Variants in SAMD11 observed in about 807,000 individuals in gnomAD.
SAMD11 encodes the protein sterile alpha motif domain containing 11.
In SAMD11, 77 loss-of-function variants were observed where a neutral mutation model predicts 64.4. The ratio of observed to expected loss-of-function variants is 1.20; its 90% CI spans 0.99 to 1.44. The LOEUF (loss-of-function observed/expected upper bound fraction) is 1.44. Ranked by LOEUF, SAMD11 falls within the 40% of genes most tolerant of loss-of-function variation. The pLI is 0.00. For missense variants in SAMD11, 1,402 were observed against 943.3 expected (o/e 1.49, Z -6.37); for synonymous variants, 658 against 421.9 (o/e 1.56, Z -6.86).
chr1:943,304 A>C lies in SAMD11; in HGVS notation c.2105A>C (p.Asp702Ala). 2 of 1,612,378 alleles carry C rather than the reference A, an allele frequency of 1.2e-6. No individual in the cohort carries two copies. Among genetic ancestry groups the C allele is most frequent in the African/African-American group, 1.3e-5 (1 of 74,944 alleles). The stretch of plus-strand genomic sequence containing the variant: ...GGGGAGGAGGCCCCAGCCCCTGAGG[A>C]CGTCACCAAGTGGACCGTGGATGAC... ...MDGEEAPAPE[D>A]VTKWTVDDVC... Residue 702 changes from aspartate (D) to alanine (A), a missense_variant, in exon 12 of 14, where the codon GAC becomes GCC. Asp to Ala is a moderately radical substitution (Grantham distance 126). Transcript: ENST00000616016.
chr1:926,324 T>A (rs1640889308), intron 2 of SAMD11, among the ~76,000 whole-genome samples: 1 of 152,230 alleles, frequency 6.6e-6, no homozygotes, highest in Admixed American at 6.5e-5. Context: ...GTCTTCTCCC[T>A]GGGAGGAGTA....
At chr1:929,074 C>T (rs543852933) in intron 2 of SAMD11, among the ~76,000 whole-genome samples, 3 of 152,350 alleles carry the variant, frequency 2.0e-5, no homozygotes, top group South Asian at 2.1e-4. Flanking sequence ...AAAAGCCTCC[C>T]GCCCACTGGA....
At position 942,285 on chromosome 1, in the gene SAMD11, G is replaced by A. The variant is rs1292530570; in HGVS notation, c.1474+34G>A. ...GCGGGTGCGCATCCCCTGGGAGCCCGCGTGGAGGCTCGCGGACCCGGCCCT... is the reference window on the plus strand; with the variant it reads ...GCGGGTGCGCATCCCCTGGGAGCCCACGTGGAGGCTCGCGGACCCGGCCCT... On this transcript the variant is annotated intron_variant, in intron 9 of 13. Coordinates refer to ENST00000616016, the MANE Select transcript of SAMD11 (RefSeq NM_001385641.1). 10 of 1,037,710 alleles carry A rather than the reference G, an allele frequency of 9.6e-6. No homozygotes were observed. In the African/African-American group the frequency reaches 1.7e-4, roughly 17 times the overall value. The allele number at this position is 1,037,710 out of a possible 1,614,324, so 64.3% of individuals were successfully genotyped here.
At chr1:927,071 G>A (rs1290548819) in intron 2 of SAMD11, among the ~76,000 whole-genome samples, 1 of 152,172 alleles carries the variant, frequency 6.6e-6, no homozygotes, top group African/African-American at 2.4e-5. Context: ...AGCATGTTGG[G>A]CAGGGGAAGG....
At chr1:936,492 G>A (rs572432227) in intron 5 of SAMD11, among the ~76,000 whole-genome samples, 9 of 152,260 alleles carry the variant, frequency 5.9e-5, no homozygotes, top group Admixed American at 3.3e-4. Context: ...GGGATCCGGC[G>A]CCTGAGGGAG....
At chr1:926,755 G>A (rs1055832500) in intron 2 of SAMD11, among the ~76,000 whole-genome samples, 5 of 152,284 alleles carry the variant, frequency 3.3e-5, no homozygotes, top group East Asian at 1.9e-4. Context: ...AGGGTTAGAG[G>A]ATTGATCTGA....
intron 1 of SAMD11, chr1:925,615 G>T: frequency 3.6e-6 from 1 of 279,298 alleles, no homozygotes; most frequent in Non-Finnish European, 6.8e-6. Flanking sequence ...AGCCTTTCTG[G>T]GCCCGGCCTG....
chr1:943,820 G>C lies in SAMD11; in HGVS notation c.2289+12G>C. The C allele has an allele frequency of 1.9e-6, 3 of 1,612,936 alleles. No homozygotes were observed. Among genetic ancestry groups the C allele is most frequent in the Non-Finnish European group, 2.5e-6 (3 of 1,179,980 alleles). ...AGATCCGGGCCCAGGTGAGACGCTG[G>C]GGAGTGAGGTCAGGGTCTCCAGACC... On this transcript the variant is annotated intron_variant, in intron 13 of 13. Coordinates refer to ENST00000616016, the MANE Select transcript of SAMD11 (RefSeq NM_001385641.1).
Position 931,088 on chromosome 1 carries a change from A to C in SAMD11, c.841A>C (p.Ser281Arg). 1 of 1,612,326 alleles carries C rather than the reference A, an allele frequency of 6.2e-7. No homozygotes were observed. Among genetic ancestry groups the C allele is most frequent in the African/African-American group, 1.3e-5 (1 of 75,044 alleles). The change falls in exon 4 of 14, where the codon AGC becomes CGC. Residue 281 changes from serine to arginine, a missense_variant and splice_region_variant. By Grantham distance (110) the Ser-to-Arg change is moderately radical. Coordinates refer to ENST00000616016, the MANE Select transcript of SAMD11 (RefSeq NM_001385641.1). ...CATCTCTTTCCGAGAGGCGTCCTGC[A>C]GGTAGGAGCCGTGCTGTGCGTGCAT... ...VNISFREASC[S>R]QDGNLPTLIS...
intron 5 of SAMD11, among the ~76,000 whole-genome samples, chr1:936,651 G>T (rs1641467423): frequency 6.6e-6 from 1 of 152,062 alleles, no homozygotes; most frequent in African/African-American, 2.4e-5. Flanking sequence ...AGGCAGGGGT[G>T]TTCCCAGCAG....
At chr1:929,574 G>A (rs1045916209) in intron 2 of SAMD11, among the ~76,000 whole-genome samples, 12 of 152,216 alleles carry the variant, frequency 7.9e-5, no homozygotes, top group Non-Finnish European at 1.5e-4. Flanking sequence ...AGGGTGTGGT[G>A]GGCAGAAGGG....
chr1:941,751 G>A (rs1210263674), intron 8 of SAMD11, among the ~76,000 whole-genome samples: 1 of 152,096 alleles, frequency 6.6e-6, no homozygotes, highest in Non-Finnish European at 1.5e-5. Flanking sequence ...GAGAAGGGAG[G>A]GGCCGCCTGA....
At chr1:940,446 C>G (rs1386454153) in intron 7 of SAMD11, 1 of 152,012 alleles carries the variant, frequency 6.6e-6, no homozygotes. Context: ...CGGGGCGGGA[C>G]CCACCTCCGC....
chr1:938,881 G>GC (rs1641599574), intron 5 of SAMD11, among the ~76,000 whole-genome samples, 159 bp from the exon 6 acceptor site: 2 of 152,140 alleles, frequency 1.3e-5, no homozygotes, highest in South Asian at 4.1e-4. Context: ...TGTCCTCTGC[G>GC]CTGAAGGCTG....
chr1:934,008 A>AG (rs552346069), intron 4 of SAMD11, among the ~76,000 whole-genome samples: 61 of 124,688 alleles, frequency 4.9e-4, no homozygotes, highest in African/African-American at 2.3e-3. Context: ...ACAGGTGGGC[A>AG]GGGGAGGCGG....
In SAMD11 at chr1:935,822, A is replaced by G. The variant is rs779799519; in HGVS notation, c.893A>G (p.His298Arg). 1 of 1,613,396 alleles carries G rather than the reference A, an allele frequency of 6.2e-7. No individual in the cohort carries two copies. Among genetic ancestry groups the G allele is most frequent in the Non-Finnish European group, 8.5e-7 (1 of 1,179,886 alleles). The part of the protein sequence containing the change: ...TLISSVHRSR[H>R]LVMPEHQSRC... ...ATATCCAGCGTCCACCGCAGCCGCCACCTCGTTATGCCCGAGCATCAGAGC... is the reference window on the plus strand; with the variant it reads ...ATATCCAGCGTCCACCGCAGCCGCCGCCTCGTTATGCCCGAGCATCAGAGC... Residue 298 changes from histidine (H) to arginine (R), a missense_variant, in exon 5 of 14, where the codon CAC (histidine) becomes CGC (arginine). Transcript: ENST00000616016.
intron 3 of SAMD11, 60 bp downstream of exon 3, chr1:930,396 C>T (rs1017171915): frequency 7.3e-6 from 11 of 1,498,576 alleles, no homozygotes; most frequent in African/African-American, 1.4e-5. Flanking sequence ...GAGCTTCAGG[C>T]CTTCAGCTGC....
chr1:929,875 T>G (rs1182587902), intron 2 of SAMD11, among the ~76,000 whole-genome samples: 1 of 152,048 alleles, frequency 6.6e-6, no homozygotes, highest in Non-Finnish European at 1.5e-5. Context: ...CCAGTGGGCG[T>G]CGTCTGTAGG....
intron 1 of SAMD11, among the ~76,000 whole-genome samples, chr1:925,515 G>C (rs912971847): frequency 6.6e-6 from 1 of 152,156 alleles, no homozygotes; most frequent in East Asian, 1.9e-4. Flanking sequence ...AAAAGTTCGG[G>C]ACCTGAGCGG....
Sources: gnomAD v4.1 joint callset for allele counts (sites outside exome capture counted in the v4.1 genomes callset) on GRCh38, gnomAD v4.1.1 for gene constraint, MANE v1.5 for transcripts, NCBI Gene and HGNC (gene_info 2026-07-23, HGNC 2026-07-21) for gene names.